Variants in CDH23 observed in about 807,000 individuals in gnomAD.
The protein encoded by CDH23 is cadherin related 23.
Under a neutral mutation model 317.1 loss-of-function variants are expected in CDH23, and 189 were observed. The ratio of observed to expected loss-of-function variants is 0.60; its 90% confidence interval spans 0.53 to 0.67. CDH23 has a LOEUF of 0.67. CDH23 is among the 30% of genes least tolerant of loss of function. The pLI is 0.00. For synonymous variants in CDH23, 1,839 were observed against 1,876.8 expected, an observed-to-expected ratio of 0.98 and a Z score of 0.52; for missense variants, 4,401 against 4,592.4, an observed-to-expected ratio of 0.96 and a Z score of 1.20.
At chr10:71,657,128 G>A (rs571258772) in intron 14 of CDH23, among the ~76,000 whole-genome samples, 6 of 152,164 alleles carry the variant, frequency 3.9e-5, no homozygotes, top group East Asian at 1.9e-4. Context: ...CTCCATCTCC[G>A]CCTGACTGAC....
chr10:71,730,132 C>G (rs189914446), intron 30 of CDH23, among the ~76,000 whole-genome samples: 3 of 152,150 alleles, frequency 2.0e-5, no homozygotes, highest in Non-Finnish European at 4.4e-5. Context: ...CCACCGCGCC[C>G]GGCCGAATTA....
intron 19 of CDH23, 28 bp downstream of exon 19, chr10:71,687,747 G>A (rs1192720788): frequency 2.5e-6 from 4 of 1,604,882 alleles, no homozygotes; most frequent in South Asian, 2.2e-5. Context: ...GGGGTGGGGG[G>A]CACATGGAGG....
chr10:71,687,775 C>T (rs937674698), intron 19 of CDH23, 56 bp downstream of exon 19: 93 of 1,529,892 alleles, frequency 6.1e-5, no homozygotes, highest in Non-Finnish European at 4.8e-5. Flanking sequence ...CCAGCAGTCA[C>T]GGCACCCAGG....
rs571442718 is a variant in CDH23, at chr10:71,456,661, G to C, written c.145+10266G>C. 7.2e-5 allele frequency among the ~76,000 whole-genome samples: 11 copies of C among 152,344 alleles called. No homozygotes were observed. In the East Asian group the frequency reaches 1.9e-3, roughly 27 times the overall value. On this transcript the variant is annotated intron_variant, in intron 3 of 69. Transcript: ENST00000224721. ...CACCTGTGCCAGCCTGTGCTGGGGG[G>C]TGGGGTAGGGACATGCACATTAGAG... is the stretch of plus-strand genomic sequence containing the variant.
chr10:71,555,438 A>G (rs1326498226), intron 6 of CDH23, among the ~76,000 whole-genome samples: 4 of 152,128 alleles, frequency 2.6e-5, no homozygotes, highest in Admixed American at 1.3e-4. Flanking sequence ...CTATAGTGTC[A>G]CTGTTATGAA....
At chr10:71,715,868 G>A (rs773932506) in intron 28 of CDH23, 194 of 1,391,870 alleles carry the variant, frequency 1.4e-4, no homozygotes, top group Middle Eastern at 1.8e-4. Context: ...CTGCAGCACC[G>A]GTCTCTGAAG....
At chr10:71,594,301 T>C (rs948945948) in intron 9 of CDH23, among the ~76,000 whole-genome samples, 1 of 152,080 alleles carries the variant, frequency 6.6e-6, no homozygotes, top group Non-Finnish European at 1.5e-5. Flanking sequence ...TTTGTTTTCT[T>C]TCTTCCTTTC....
intron 3 of CDH23, among the ~76,000 whole-genome samples, chr10:71,473,480 G>A (rs1851623947): frequency 6.6e-6 from 1 of 152,194 alleles, no homozygotes; most frequent in Admixed American, 6.5e-5. Flanking sequence ...CCTTTTGGGG[G>A]TGAGGTTGAA....
chr10:71,715,807 C>CG (rs1171701819), intron 28 of CDH23: 6 of 896,174 alleles, frequency 6.7e-6, no homozygotes, highest in Middle Eastern at 2.3e-4. Flanking sequence ...CAAGGAGCTT[C>CG]GGGGGGTGAG....
chr10:71,599,619 G>A (rs1382655219), intron 9 of CDH23, among the ~76,000 whole-genome samples: 6 of 152,130 alleles, frequency 3.9e-5, no homozygotes, highest in Non-Finnish European at 5.9e-5. Context: ...TTGTGCTCTT[G>A]TCTCTACATT....
At chr10:71,746,096 A>G (rs982108159) in intron 38 of CDH23, among the ~76,000 whole-genome samples, 1 of 152,224 alleles carries the variant, frequency 6.6e-6, no homozygotes, top group Admixed American at 6.5e-5. Context: ...TACATCAGGC[A>G]CAGGTCTGCC....
intron 9 of CDH23, among the ~76,000 whole-genome samples, chr10:71,587,829 G>T (rs1327889735): frequency 2.6e-5 from 4 of 152,198 alleles, no homozygotes; most frequent in African/African-American, 9.7e-5. Context: ...GGGCTAATCT[G>T]AAATAAAAGT....
chr10:71,507,041 G>A (rs973758501), intron 3 of CDH23, among the ~76,000 whole-genome samples: 2 of 152,214 alleles, frequency 1.3e-5, no homozygotes, highest in Non-Finnish European at 2.9e-5. Context: ...GCCCAGTTGT[G>A]CAACCTTGGC....
chr10:71,544,010 T>A (rs1856132712), intron 6 of CDH23, among the ~76,000 whole-genome samples: 1 of 152,238 alleles, frequency 6.6e-6, no homozygotes. Flanking sequence ...TTTCCATCCC[T>A]TCAACCATCA....
At position 71,409,413 on chromosome 10, in the gene CDH23, C is replaced by T. The variant is rs139360790; in HGVS notation, c.-6+12095C>T. 2.7e-4 allele frequency among the ~76,000 whole-genome samples: 41 copies of T among 152,128 alleles called. No homozygotes were observed. In the East Asian group the frequency reaches 6.6e-3, roughly 24 times the overall value. ...AAAGGGAACTGAGAGGAAACTGTAC[C>T]GGGAGGGGTTAAAGGCAAACCCAAG... On this transcript the variant is annotated intron_variant, in intron 1 of 69. Coordinates refer to ENST00000224721, the MANE Select transcript of CDH23 (RefSeq NM_022124.6).
At chr10:71,772,518 C>T (rs1052945535) in intron 38 of CDH23, among the ~76,000 whole-genome samples, 3 of 152,230 alleles carry the variant, frequency 2.0e-5, no homozygotes, top group African/African-American at 7.2e-5. Context: ...AGCCCGGGAG[C>T]CCCTGTGTTG....
Position 71,552,338 on chromosome 10 carries a change from CTCTG to C in CDH23, c.430-14403_430-14400del, listed in dbSNP as rs1241018318. ...GGGACAGGGCAACAGGGGGCCAGGC[CTCTG>C]GCGTCCTGGCTTATAGTGCCCTTGA... On this transcript the variant is annotated intron_variant, in intron 6 of 69. Coordinates refer to ENST00000224721, the MANE Select transcript of CDH23 (RefSeq NM_022124.6). Among the ~76,000 whole-genome samples the C allele has an allele frequency of 5.3e-5, 8 of 152,334 alleles. No individual in the cohort carries two copies. In the East Asian group the frequency reaches 1.5e-3, roughly 29 times the overall value.
chr10:71,424,032 A>G (rs1474492642), intron 1 of CDH23, among the ~76,000 whole-genome samples: 3 of 152,276 alleles, frequency 2.0e-5, no homozygotes, highest in Non-Finnish European at 2.9e-5. Context: ...GGGACTGGGA[A>G]GAGGCAAGGC....
chr10:71,485,023 C>CTTTT (rs56153129), intron 3 of CDH23, among the ~76,000 whole-genome samples: 4 of 110,140 alleles, frequency 3.6e-5, no homozygotes, highest in Non-Finnish European at 5.4e-5. Context: ...TTTCTTTTTT[C>CTTTT]TTTTTTTTTT....
Sources: allele counts gnomAD v4.1 joint callset (sites outside exome capture counted in the v4.1 genomes callset), GRCh38; gene constraint gnomAD v4.1.1; transcripts MANE v1.5; gene names NCBI Gene and HGNC (gene_info 2026-07-23, HGNC 2026-07-21).